The following PCBP2 variants were observed in gnomAD, a reference collection of about 807,000 sequenced individuals.
The protein encoded by PCBP2 is poly(rC) binding protein 2, also known as poly(rC)-binding protein 2.
PCBP2 carries 4 observed loss-of-function variants against 50.1 expected under a neutral mutation model. The ratio of observed to expected loss-of-function variants is 0.08; its 90% CI spans 0.04 to 0.18. The LOEUF is 0.18. Ranked by LOEUF, PCBP2 falls within the 10% of genes least tolerant of loss-of-function variation. PCBP2 has a pLI of 1.00. For missense variants in PCBP2, 161 were observed against 474.3 expected (o/e 0.34, Z 6.14); for synonymous variants, 179 against 168.0 (o/e 1.07, Z -0.51).
intron 14 of PCBP2, chr12:53,475,314 G>A (rs1942502543): frequency 1.6e-5 from 6 of 374,214 alleles, no homozygotes; most frequent in African/African-American, 4.3e-5. Context: ...GCTTGTTACC[G>A]TTTCCTTTTT....
rs996481563 is a variant in PCBP2 at position 53,479,988 on chromosome 12, A to G, written c.*546A>G. On this transcript the variant is annotated 3_prime_UTR_variant, in exon 15 of 15. Coordinates refer to ENST00000546463, the MANE Select transcript of PCBP2 (RefSeq NM_031989.5). ...ATCTTTTTTTGTGGCCCTCGATCCTATTTTTCCCTGACTCCATGCTTGGTT... is the reference window on the plus strand; with the variant it reads ...ATCTTTTTTTGTGGCCCTCGATCCTGTTTTTCCCTGACTCCATGCTTGGTT... The G allele has an allele frequency of 6.7e-6, 1 of 150,140 alleles. No homozygotes were observed. The highest frequency in any genetic ancestry group is 2.5e-5 in the African/African-American group (1 of 40,600). The allele number at this position is 150,140 out of a possible 1,614,324, so 9.3% of individuals were successfully genotyped here.
At chr12:53,464,660 A>C (rs993530539) in intron 8 of PCBP2, 100 bp from the exon 9 acceptor site, 19 of 1,496,672 alleles carry the variant, frequency 1.3e-5, no homozygotes, top group Non-Finnish European at 1.6e-5. Context: ...TTTAAAGGAA[A>C]AAGGAAAAAA....
Position 53,454,785 on chromosome 12 carries a change from C to G in PCBP2, c.-16C>G, listed in dbSNP as rs367624977. On this transcript the variant is annotated 5_prime_UTR_variant, in exon 2 of 15. Coordinates refer to ENST00000546463, the MANE Select transcript of PCBP2 (RefSeq NM_031989.5). ...CTTGACCACTCAAAGTCCAGCTCCCCAGAACACTGCTCGACATGGACACCG... is the reference window on the plus strand; with the variant it reads ...CTTGACCACTCAAAGTCCAGCTCCCGAGAACACTGCTCGACATGGACACCG... 21 of 1,613,076 alleles carry G rather than the reference C, an allele frequency of 1.3e-5. No individual in the cohort carries two copies. The highest frequency in any genetic ancestry group is 2.7e-5 in the African/African-American group (2 of 74,918).
Position 53,481,123 on chromosome 12 carries a change from A to ATG in PCBP2, c.*1683_*1684dup, listed in dbSNP as rs915568440. 12 of 610,186 alleles carry ATG rather than the reference A, an allele frequency of 2.0e-5. No individual in the cohort carries two copies. The highest frequency in any genetic ancestry group is 2.7e-5 in the Non-Finnish European group (12 of 446,424). The allele number at this position is 610,186 out of a possible 1,614,324, so 37.8% of individuals were successfully genotyped here. ...TTATGTGGCGCATATATATATATAT[A>ATG]TGTATATATATATAATTTATATAAA... On this transcript the variant is annotated 3_prime_UTR_variant, in exon 15 of 15. Coordinates refer to ENST00000546463, the MANE Select transcript of PCBP2 (RefSeq NM_031989.5).
rs373294270 is a variant in PCBP2, at chr12:53,455,388, C to A, written c.93+18C>A. Reference sequence around the variant, plus strand: ...TCGGAAAGGTAAGACAATTTCACTTCAACTTCAATTACCATTTAGTAATTC... The same window carrying A: ...TCGGAAAGGTAAGACAATTTCACTTAAACTTCAATTACCATTTAGTAATTC... On this transcript the variant is annotated intron_variant, in intron 3 of 14. Coordinates refer to ENST00000546463, the MANE Select transcript of PCBP2 (RefSeq NM_031989.5). 6 of 1,613,858 alleles carry A rather than the reference C, an allele frequency of 3.7e-6. No homozygotes were observed. In the African/African-American group the frequency reaches 8.0e-5, roughly 22 times the overall value.
At position 53,465,707 on chromosome 12, in the gene PCBP2, G is replaced by C. The variant is rs189285224; in HGVS notation, c.673-225G>C. Among the ~76,000 whole-genome samples the C allele has an allele frequency of 3.3e-3, 496 of 152,248 alleles. 5 individuals are homozygous for C. The highest frequency in any genetic ancestry group is 0.011 in the African/African-American group (477 of 41,528). ...TTTTGCCTTTGATTGCAGGGAACTT[G>C]GCTACCTTTATAGGATTCCCCGGAA... is the stretch of plus-strand genomic sequence containing the variant. On this transcript the variant is annotated intron_variant, in intron 9 of 14. Coordinates refer to ENST00000546463, the MANE Select transcript of PCBP2 (RefSeq NM_031989.5).
rs879244280 is a variant in PCBP2 at position 53,479,671 on chromosome 12, G to GTTTTTTTTTTTTTTTGTT, written c.*241_*242insTTTGTTTTTTTTTTTTTT. ...ATTTAGTTTTATAAGCTTCTCCCTGGTTTTTTTTTTTTGGCTCATGAATTT... is the reference window on the plus strand; with the variant it reads ...ATTTAGTTTTATAAGCTTCTCCCTGGTTTTTTTTTTTTTTTGTTTTTTTTTTTTTTGGCTCATGAATTT... On this transcript the variant is annotated 3_prime_UTR_variant, in exon 15 of 15. Coordinates refer to ENST00000546463, the MANE Select transcript of PCBP2 (RefSeq NM_031989.5). 4.6e-4 allele frequency: 96 copies of GTTTTTTTTTTTTTTTGTT among 206,686 alleles called. No homozygotes were observed. The highest frequency in any genetic ancestry group is 1.6e-3 in the Middle Eastern group (1 of 628). 12.8% of individuals were successfully genotyped at this position (206,686 alleles called of 1,614,324 possible).
intron 8 of PCBP2, among the ~76,000 whole-genome samples, chr12:53,463,457 C>A (rs900365094): frequency 6.6e-6 from 1 of 152,150 alleles, no homozygotes; most frequent in Non-Finnish European, 1.5e-5. Context: ...CTGTACTGAA[C>A]ATGTACAGGC....
chr12:53,474,031 G>A (rs1418080262), intron 14 of PCBP2, among the ~76,000 whole-genome samples: 1 of 152,144 alleles, frequency 6.6e-6, no homozygotes, highest in Non-Finnish European at 1.5e-5. Flanking sequence ...ATGTAGTTCT[G>A]GCTTAGACAC....
At chr12:53,466,110 A>G (rs900296586) in intron 10 of PCBP2, 137 bp downstream of exon 10, 1 of 753,284 alleles carries the variant, frequency 1.3e-6, no homozygotes, top group South Asian at 1.5e-5. Flanking sequence ...TCACAAGGTC[A>G]ATCCCATATT....
chr12:53,452,608 C>T (rs1363850113), intron 1 of PCBP2, among the ~76,000 whole-genome samples: 1 of 151,314 alleles, frequency 6.6e-6, no homozygotes, highest in Non-Finnish European at 1.5e-5. Context: ...TTCCCGGTGG[C>T]GGCTGCGCAG....
intron 14 of PCBP2, among the ~76,000 whole-genome samples, chr12:53,473,793 T>G (rs1167656529): frequency 6.6e-6 from 1 of 152,142 alleles, no homozygotes; most frequent in Admixed American, 6.5e-5. Context: ...TCATTTTTTT[T>G]AAGTCAAGAA....
chr12:53,477,356 A>T (rs908070749), intron 14 of PCBP2, among the ~76,000 whole-genome samples: 4 of 151,590 alleles, frequency 2.6e-5, no homozygotes, highest in African/African-American at 9.7e-5. Flanking sequence ...GCACGAATCT[A>T]CCCCCCTTTT....
At chr12:53,457,649 A>G (rs1941130578) in intron 5 of PCBP2, among the ~76,000 whole-genome samples, 1 of 151,704 alleles carries the variant, frequency 6.6e-6, no homozygotes, top group Non-Finnish European at 1.5e-5. Context: ...CGTGGCCTTT[A>G]TTTTATTAAA....
Position 53,465,817 on chromosome 12 carries a change from T to TC in PCBP2, c.673-110dup, listed in dbSNP as rs543746532. 1.4e-3 allele frequency: 1,097 copies of TC among 778,000 alleles called. 2 individuals are homozygous for TC. The highest frequency in any genetic ancestry group is 2.0e-3 in the Non-Finnish European group (903 of 444,666). 48.2% of individuals were successfully genotyped at this position (778,000 alleles called of 1,614,324 possible). On this transcript the variant is annotated intron_variant, in intron 9 of 14. Transcript: ENST00000546463. ...CCATCTACTGCCTCAATCTCTGGCC[T>TC]CCCCCATTCTCTAGTTCAACTCTGG...
rs1203071583 is a variant in PCBP2, at chr12:53,479,674, T to TTTTTTTTTTTTTGTTTG, written c.*241_*242insTTTGTTTGTTTTTTTTT. 52 of 385,448 alleles carry TTTTTTTTTTTTTGTTTG rather than the reference T, an allele frequency of 1.3e-4. 1 individual carries two copies. Among genetic ancestry groups the TTTTTTTTTTTTTGTTTG allele is most frequent in the Non-Finnish European group, 1.5e-4 (32 of 215,940 alleles). 23.9% of individuals were successfully genotyped at this position (385,448 alleles called of 1,614,324 possible). ...TAGTTTTATAAGCTTCTCCCTGGTTTTTTTTTTTTGGCTCATGAATTTTTC... is the reference window on the plus strand; with the variant it reads ...TAGTTTTATAAGCTTCTCCCTGGTTTTTTTTTTTTTTTGTTTGTTTTTTTTTGGCTCATGAATTTTTC... On this transcript the variant is annotated 3_prime_UTR_variant, in exon 15 of 15. Coordinates refer to ENST00000546463, the MANE Select transcript of PCBP2 (RefSeq NM_031989.5).
chr12:53,470,038 G>A (rs370402005), intron 13 of PCBP2, among the ~76,000 whole-genome samples: 6 of 151,760 alleles, frequency 4.0e-5, no homozygotes, highest in East Asian at 1.9e-4. Context: ...GAGCCACTGC[G>A]TCCAGCCTGC....
chr12:53,467,695 G>A lies in PCBP2; in HGVS notation c.788-110G>A, dbSNP rs1214500240. ...ATTGTGTAGTGTTTTTTTTGTTTTT[G>A]TTTTTGTTTTTATTTTGTTTCGTTT... On this transcript the variant is annotated intron_variant, in intron 11 of 14. Coordinates refer to ENST00000546463, the MANE Select transcript of PCBP2 (RefSeq NM_031989.5). 1.6e-5 allele frequency: 14 copies of A among 895,270 alleles called. No individual in the cohort carries two copies. In the Admixed American group the frequency reaches 3.0e-4, roughly 19 times the overall value. 55.5% of individuals were successfully genotyped at this position (895,270 alleles called of 1,614,324 possible).
At chr12:53,472,004 T>TCG (rs552301223) in intron 14 of PCBP2, among the ~76,000 whole-genome samples, 197 bp downstream of exon 14, 1 of 130,830 alleles carries the variant, frequency 7.6e-6, no homozygotes. Context: ...AAGGGGTTGG[T>TCG]GGGGGGGGGA....
Sources: allele counts gnomAD v4.1 joint callset (sites outside exome capture counted in the v4.1 genomes callset), GRCh38; gene constraint gnomAD v4.1.1; transcripts MANE v1.5; gene names NCBI Gene and HGNC (gene_info 2026-07-23, HGNC 2026-07-21).